KATNIP: variants seen among roughly 807,000 people sequenced by gnomAD.
The protein encoded by KATNIP is katanin interacting protein.
Under a neutral mutation model 174.0 loss-of-function variants are expected in KATNIP, and 126 were observed. That is an observed-to-expected ratio of 0.72 (90% CI 0.63 to 0.84). The LOEUF (loss-of-function observed/expected upper bound fraction) is 0.84, where lower values mean the gene tolerates loss of function less well. Ranked by LOEUF, KATNIP falls within the 40% of genes least tolerant of loss-of-function variation. KATNIP has a pLI of 0.00. For missense variants in KATNIP, 1,958 were observed against 2,109.7 expected (o/e 0.93, Z 1.41); for synonymous variants, 810 against 835.7 (o/e 0.97, Z 0.53).
intron 9 of KATNIP, 144 bp from the exon 10 acceptor site, chr16:27,699,390 C>A: frequency 1.4e-6 from 2 of 1,416,744 alleles, no homozygotes; most frequent in Non-Finnish European, 1.9e-6. Flanking sequence ...TCTGTGTTCC[C>A]AGACCTCTGA....
chr16:27,746,095 G>T (rs990388060), intron 15 of KATNIP, among the ~76,000 whole-genome samples: 6 of 151,420 alleles, frequency 4.0e-5, no homozygotes, highest in African/African-American at 1.5e-4. Context: ...CTCCAAAAGT[G>T]CTGGGATTAT....
intron 10 of KATNIP, among the ~76,000 whole-genome samples, chr16:27,700,284 G>A (rs939768638): frequency 2.0e-5 from 3 of 152,116 alleles, no homozygotes; most frequent in Admixed American, 6.5e-5. Flanking sequence ...TTTTTTATCT[G>A]TATCTATCTA....
At chr16:27,716,597 T>C (rs1323307100) in intron 13 of KATNIP, among the ~76,000 whole-genome samples, 2 of 152,218 alleles carry the variant, frequency 1.3e-5, no homozygotes, top group African/African-American at 2.4e-5. Context: ...TGTACAGACC[T>C]TCATACATTC....
intron 6 of KATNIP, among the ~76,000 whole-genome samples, chr16:27,663,066 T>G (rs1471237696): frequency 6.6e-6 from 1 of 151,962 alleles, no homozygotes; most frequent in Non-Finnish European, 1.5e-5. Context: ...AACTTTTTGG[T>G]ATCACATTGG....
intron 8 of KATNIP, among the ~76,000 whole-genome samples, chr16:27,691,194 G>A (rs2078720050): frequency 6.6e-6 from 1 of 152,194 alleles, no homozygotes; most frequent in African/African-American, 2.4e-5. Flanking sequence ...GCTGGTGGCT[G>A]GTGAGCCGAC....
chr16:27,698,598 G>T, intron 9 of KATNIP, 98 bp downstream of exon 9: 1 of 1,260,932 alleles, frequency 7.9e-7, no homozygotes, highest in South Asian at 1.6e-5. Context: ...AGAGAGAGGT[G>T]TAGTGGGCAT....
chr16:27,769,816 C>A, intron 20 of KATNIP, 45 bp from the exon 21 acceptor site: 1 of 1,601,992 alleles, frequency 6.2e-7, no homozygotes, highest in African/African-American at 1.3e-5. Flanking sequence ...TCTGTCCCCA[C>A]ATGGCCTGCC....
intron 13 of KATNIP, among the ~76,000 whole-genome samples, chr16:27,721,254 C>T (rs912809874): frequency 3.9e-5 from 6 of 152,148 alleles, no homozygotes; most frequent in East Asian, 1.9e-4. Flanking sequence ...TCCTCAAAGC[C>T]GATTAAGTTG....
chr16:27,706,684 T>G (rs972859655), intron 12 of KATNIP, among the ~76,000 whole-genome samples: 2 of 152,216 alleles, frequency 1.3e-5, no homozygotes, highest in Non-Finnish European at 2.9e-5. Context: ...GCTGAGGAAT[T>G]TGCACATTTC....
intron 2 of KATNIP, among the ~76,000 whole-genome samples, chr16:27,584,887 A>G (rs968606255): frequency 1.3e-5 from 2 of 152,214 alleles, no homozygotes; most frequent in Non-Finnish European, 2.9e-5. Context: ...CATGAGAGGA[A>G]GTCTAGGCTC....
At chr16:27,734,441 G>A (rs1333103376) in intron 14 of KATNIP, among the ~76,000 whole-genome samples, 1 of 148,712 alleles carries the variant, frequency 6.7e-6, no homozygotes, top group East Asian at 2.1e-4. Flanking sequence ...GTTCATGCCT[G>A]TAATCCCAGC....
intron 1 of KATNIP, among the ~76,000 whole-genome samples, chr16:27,558,726 A>G (rs1420132184): frequency 1.3e-5 from 2 of 152,202 alleles, no homozygotes; most frequent in Non-Finnish European, 2.9e-5. Context: ...TATGTGGCCC[A>G]CGGGCCAAAA....
chr16:27,582,234 G>A (rs532253843), intron 2 of KATNIP, among the ~76,000 whole-genome samples: 218 of 152,054 alleles, frequency 1.4e-3, no homozygotes, highest in Non-Finnish European at 2.7e-3. Flanking sequence ...TTGTTGCCCC[G>A]TCCATATTTA....
chr16:27,739,892 G>T, intron 14 of KATNIP, 149 bp from the exon 15 acceptor site: 1 of 789,074 alleles, frequency 1.3e-6, no homozygotes, highest in Non-Finnish European at 2.0e-6. Context: ...ACCAAGCCTA[G>T]TTTCACACCC....
intron 6 of KATNIP, among the ~76,000 whole-genome samples, chr16:27,666,218 G>A (rs1367965709): frequency 6.6e-6 from 1 of 152,144 alleles, no homozygotes; most frequent in Non-Finnish European, 1.5e-5. Context: ...CTCCAGTGAT[G>A]CACTTTAGAG....
At chr16:27,774,802 C>G (rs952621700) in intron 23 of KATNIP, 143 bp from the exon 24 acceptor site, 1 of 916,460 alleles carries the variant, frequency 1.1e-6, no homozygotes, top group Non-Finnish European at 1.7e-6. Context: ...CAGGACACGT[C>G]CAATTCAGCT....
chr16:27,633,621 A>G (rs913159558), intron 5 of KATNIP, among the ~76,000 whole-genome samples: 6 of 152,144 alleles, frequency 3.9e-5, no homozygotes, highest in East Asian at 3.9e-4. Flanking sequence ...GTGTTCACCA[A>G]TATTGGGAAC....
intron 5 of KATNIP, among the ~76,000 whole-genome samples, chr16:27,645,680 G>A (rs1038048533): frequency 2.0e-5 from 3 of 152,212 alleles, no homozygotes; most frequent in Non-Finnish European, 2.9e-5. Context: ...TTGGTGTGTG[G>A]CTTTCTTCCT....
chr16:27,672,701 T>C (rs2142689574), intron 6 of KATNIP, among the ~76,000 whole-genome samples: 1 of 152,310 alleles, frequency 6.6e-6, no homozygotes, highest in African/African-American at 2.4e-5. Context: ...GTCACAGCTA[T>C]GCCACTTAAT....
Sources: gnomAD v4.1 joint callset for allele counts (sites outside exome capture counted in the v4.1 genomes callset) on GRCh38, gnomAD v4.1.1 for gene constraint, MANE v1.5 for transcripts, NCBI Gene and HGNC (gene_info 2026-07-23, HGNC 2026-07-21) for gene names.